Variants in PHF3 observed in about 807,000 individuals in gnomAD.
PHF3 encodes the protein PHD finger protein 3.
PHF3 carries 41 observed loss-of-function variants against 178.4 expected under a neutral mutation model. The observed-to-expected ratio is 0.23, with a 90% CI of 0.18 to 0.30. The LOEUF (loss-of-function observed/expected upper bound fraction) is 0.30, where lower values mean the gene tolerates loss of function less well. Ranked by LOEUF, PHF3 falls within the 10% of genes least tolerant of loss-of-function variation. PHF3 has a pLI of 1.00. For synonymous variants in PHF3, 842 were observed against 800.5 expected (o/e 1.05, Z -0.88); for missense variants, 2,346 against 2,398.1 (o/e 0.98, Z 0.45).
In PHF3 at chr6:63,719,485, A is replaced by G. The variant is rs973112203; in HGVS notation, c.*5777A>G. Among the ~76,000 whole-genome samples, 1 of 152,110 alleles carries G rather than the reference A, an allele frequency of 6.6e-6. No homozygotes were observed. The highest frequency in any genetic ancestry group is 1.5e-5 in the Non-Finnish European group (1 of 67,978). ...ATGTTGCCGGTTGCCAAGTGGCAAAATTATCACAGATATCAAACTCAGAAA... is the reference window on the plus strand; with the variant it reads ...ATGTTGCCGGTTGCCAAGTGGCAAAGTTATCACAGATATCAAACTCAGAAA... On this transcript the variant is annotated 3_prime_UTR_variant, in exon 16 of 16. Transcript: ENST00000262043.
rs140121518 is a variant in PHF3, at chr6:63,716,591, A to G, written c.*2883A>G. Among the ~76,000 whole-genome samples the G allele has an allele frequency of 7.1e-4, 108 of 152,254 alleles. No homozygotes were observed. The highest frequency in any genetic ancestry group is 3.4e-3 in the Middle Eastern group (1 of 294). On this transcript the variant is annotated 3_prime_UTR_variant, in exon 16 of 16. Coordinates refer to ENST00000262043, the MANE Select transcript of PHF3 (RefSeq NM_001370348.2). Reference sequence around the variant, plus strand: ...AATTTATGATCTTACGGTTCTGTGGATCAGAAGTCTGTGCAGATCTCACTG... The same window carrying G: ...AATTTATGATCTTACGGTTCTGTGGGTCAGAAGTCTGTGCAGATCTCACTG...
At chr6:63,689,209 T>A (rs536424141) in intron 4 of PHF3, among the ~76,000 whole-genome samples, 2 of 152,208 alleles carry the variant, frequency 1.3e-5, no homozygotes, top group Non-Finnish European at 2.9e-5. Context: ...ACTTTTGAAC[T>A]TCTTTTAAAC....
chr6:63,701,539 TG>T (rs1767476493), intron 9 of PHF3, among the ~76,000 whole-genome samples: 1 of 152,242 alleles, frequency 6.6e-6, no homozygotes, highest in Admixed American at 6.5e-5. Flanking sequence ...TAGAAAATAC[TG>T]GTTGTAGTTC....
At chr6:63,692,081 G>A in intron 5 of PHF3, 38 bp downstream of exon 5, 1 of 1,459,260 alleles carries the variant, frequency 6.9e-7, no homozygotes, top group Non-Finnish European at 9.3e-7. Flanking sequence ...GTTTATTTAA[G>A]AGCTTTTTGT....
At chr6:63,698,724 G>A (rs1767343618) in intron 8 of PHF3, 119 bp downstream of exon 8, 3 of 677,952 alleles carry the variant, frequency 4.4e-6, no homozygotes, top group Non-Finnish European at 6.9e-6. Context: ...ATTTGCTTTT[G>A]ATGTAGAACA....
rs532045428 is a variant in PHF3, at chr6:63,684,350, G to C, written c.628G>C (p.Val210Leu). ...CSRNSGQIEV[V>L]PEVSVSSSHS... ...CCGAAATAGCGGACAAATTGAAGTGGTACCTGAAGTATCAGTGTCTTCAAG... is the reference window on the plus strand; with the variant it reads ...CCGAAATAGCGGACAAATTGAAGTGCTACCTGAAGTATCAGTGTCTTCAAG... The change falls in exon 4 of 16, where the codon GTA becomes CTA. Residue 210 changes from valine (V) to leucine (L), a missense_variant. Transcript: ENST00000262043. 6.2e-7 allele frequency: 1 copy of C among 1,613,898 alleles called. No homozygotes were observed. The highest frequency in any genetic ancestry group is 1.1e-5 in the South Asian group (1 of 91,074).
In PHF3 at chr6:63,713,270, A is replaced by G. The variant is rs368852773; in HGVS notation, c.5682A>G (p.Glu1894=). 229 of 1,613,956 alleles carry G rather than the reference A, an allele frequency of 1.4e-4. No homozygotes were observed. The highest frequency in any genetic ancestry group is 1.9e-4 in the Non-Finnish European group (224 of 1,179,988). Residue 1894 remains glutamate (E), a synonymous_variant, in exon 16 of 16, where the codon GAA becomes GAG. Coordinates refer to ENST00000262043, the MANE Select transcript of PHF3 (RefSeq NM_001370348.2). ...FYQVKDIRRP[E]RRHSDPWGRQ... is the part of the protein sequence containing the mutation. The stretch of plus-strand genomic sequence containing the variant: ...AGGTTAAAGACATTCGGAGGCCAGA[A>G]AGGCGCCATAGTGACCCTTGGGGTA...
At chr6:63,699,570 TAAAG>T (rs994920189) in intron 8 of PHF3, among the ~76,000 whole-genome samples, 98 of 152,256 alleles carry the variant, frequency 6.4e-4, no homozygotes, top group African/African-American at 2.3e-3. Context: ...AGCAATTAAA[TAAAG>T]ATTTATTTCC....
At position 63,720,926 on chromosome 6, in the gene PHF3, G is replaced by A. The variant is rs1768357000; in HGVS notation, c.*7218G>A. ...ATTTATTACAACAGAATGTGCCATT[G>A]TTATAGCTCATAGGCACAGAGATTC... On this transcript the variant is annotated 3_prime_UTR_variant, in exon 16 of 16. Coordinates refer to ENST00000262043, the MANE Select transcript of PHF3 (RefSeq NM_001370348.2). 3 of 1,551,192 alleles carry A rather than the reference G, an allele frequency of 1.9e-6. No individual in the cohort carries two copies. Among genetic ancestry groups the A allele is most frequent in the Middle Eastern group, 1.7e-4 (1 of 5,986 alleles).
At chr6:63,666,373 AT>A (rs1429896551) in intron 2 of PHF3, among the ~76,000 whole-genome samples, 1 of 151,942 alleles carries the variant, frequency 6.6e-6, no homozygotes, top group African/African-American at 2.4e-5. Flanking sequence ...TTACGTATAT[AT>A]ATTTACATAT....
intron 6 of PHF3, among the ~76,000 whole-genome samples, chr6:63,695,188 G>C (rs1182406376): frequency 1.3e-5 from 2 of 152,098 alleles, no homozygotes; most frequent in Non-Finnish European, 2.9e-5. Flanking sequence ...ATTTTTGGAG[G>C]AGGTACTAGG....
At chr6:63,643,079 A>C (rs191019250) in intron 1 of PHF3, among the ~76,000 whole-genome samples, 13 of 152,274 alleles carry the variant, frequency 8.5e-5, no homozygotes, top group Admixed American at 7.8e-4. Flanking sequence ...ATTACCAATG[A>C]TAATGGTAAA....
intron 6 of PHF3, among the ~76,000 whole-genome samples, chr6:63,695,295 A>T (rs1292359532): frequency 6.6e-6 from 1 of 152,216 alleles, no homozygotes; most frequent in Non-Finnish European, 1.5e-5. Context: ...GGTAATACAT[A>T]AAGGGATAGA....
chr6:63,697,839 G>C (rs1767298630), intron 6 of PHF3, among the ~76,000 whole-genome samples: 1 of 152,100 alleles, frequency 6.6e-6, no homozygotes, highest in Non-Finnish European at 1.5e-5. Flanking sequence ...AGTAATGATA[G>C]AATAAAAATA....
chr6:63,694,582 A>C lies in PHF3; in HGVS notation c.2498A>C (p.Glu833Ala), dbSNP rs147392172. 91 of 1,491,332 alleles carry C rather than the reference A, an allele frequency of 6.1e-5. No homozygotes were observed. In the African/African-American group the frequency reaches 1.2e-3, roughly 20 times the overall value. 92.4% of individuals were successfully genotyped at this position (1,491,332 alleles called of 1,614,324 possible). ...ATGAATTAAGTACTCATTTTCCAGG[A>C]GTCTGGTGAAGGCAGAAATTCATCA... ...VKHKVKILKR[E>A]SGEGRNSSDC... The change falls in exon 6 of 16, where the codon GAG becomes GCG. Residue 833 changes from glutamate to alanine, a missense_variant and splice_region_variant. Coordinates refer to ENST00000262043, the MANE Select transcript of PHF3 (RefSeq NM_001370348.2).
intron 2 of PHF3, among the ~76,000 whole-genome samples, chr6:63,654,612 T>C (rs1402253649): frequency 6.6e-6 from 1 of 151,952 alleles, no homozygotes; most frequent in Non-Finnish European, 1.5e-5. Flanking sequence ...ATCGAAAGAG[T>C]ATGACCTAGT....
chr6:63,696,815 G>C (rs1767248349), intron 6 of PHF3, among the ~76,000 whole-genome samples: 1 of 152,022 alleles, frequency 6.6e-6, no homozygotes, highest in Non-Finnish European at 1.5e-5. Context: ...TTAGCAAAAT[G>C]GAAATCACTG....
At position 63,724,510 on chromosome 6, in the gene PHF3, CTA is replaced by C. The variant is rs920034314; in HGVS notation, c.*10806_*10807del. ...TTTATACACGTTGGGAGGATTATAA[CTA>C]TATCAGATGAATTCAGGCTTTGATT... is the stretch of plus-strand genomic sequence containing the variant. On this transcript the variant is annotated 3_prime_UTR_variant, in exon 16 of 16. Transcript: ENST00000262043. 1.3e-5 allele frequency among the ~76,000 whole-genome samples: 2 copies of C among 152,050 alleles called. No homozygotes were observed. The highest frequency in any genetic ancestry group is 4.1e-4 in the South Asian group (2 of 4,824).
rs1441046778 is a variant in PHF3, at chr6:63,714,652, G to C, written c.*944G>C. Reference sequence around the variant, plus strand: ...GAGATGAATTGTGTAGTTCTAAAGAGGCTAGAATTTAGAACTACCTGTGAA... The same window carrying C: ...GAGATGAATTGTGTAGTTCTAAAGACGCTAGAATTTAGAACTACCTGTGAA... On this transcript the variant is annotated 3_prime_UTR_variant, in exon 16 of 16. Transcript: ENST00000262043. The C allele has an allele frequency of 6.6e-6, 1 of 152,064 alleles. No individual in the cohort carries two copies. Among genetic ancestry groups the C allele is most frequent in the African/African-American group, 2.4e-5 (1 of 41,382 alleles). The allele number at this position is 152,064 out of a possible 1,614,324, so 9.4% of individuals were successfully genotyped here.
Sources: allele counts gnomAD v4.1 joint callset (sites outside exome capture counted in the v4.1 genomes callset), GRCh38; gene constraint gnomAD v4.1.1; transcripts MANE v1.5; gene names NCBI Gene and HGNC (gene_info 2026-07-23, HGNC 2026-07-21).